The following PPME1 variants were observed in gnomAD, a reference collection of about 807,000 sequenced individuals.
PPME1 encodes testicular secretory protein Li 39.
In PPME1, 17 loss-of-function variants were observed where a neutral mutation model predicts 56.9. The ratio of observed to expected loss-of-function variants is 0.30; its 90% CI spans 0.20 to 0.45. The LOEUF is 0.45. Ranked by LOEUF, PPME1 falls within the 20% of genes least tolerant of loss-of-function variation. The probability of loss-of-function intolerance (pLI) is 1.00; values close to 1 mark genes in which losing one functional copy is unlikely to be tolerated. For missense variants in PPME1, 357 were observed against 483.2 expected, an observed-to-expected ratio of 0.74 and a Z score of 2.45; for synonymous variants, 122 against 156.2, an observed-to-expected ratio of 0.78 and a Z score of 1.63.
At chr11:74,203,974 C>A (rs1327222485) in intron 2 of PPME1, among the ~76,000 whole-genome samples, 153 bp downstream of exon 2, 34 of 152,192 alleles carry the variant, frequency 2.2e-4, no homozygotes, top group Non-Finnish European at 2.9e-5. Context: ...GAAGTCCATG[C>A]CAATATCTTT....
chr11:74,253,924 C>T lies in PPME1; in HGVS notation c.*414C>T. 3.8e-6 allele frequency: 1 copy of T among 263,450 alleles called. No individual in the cohort carries two copies. The highest frequency in any genetic ancestry group is 7.2e-6 in the Non-Finnish European group (1 of 139,080). 16.3% of individuals were successfully genotyped at this position (263,450 alleles called of 1,614,324 possible). On this transcript the variant is annotated 3_prime_UTR_variant, in exon 14 of 14. Coordinates refer to ENST00000328257, the MANE Select transcript of PPME1 (RefSeq NM_016147.3). The stretch of plus-strand genomic sequence containing the variant: ...GTCTTGGCATGGCCCAGCCCTGCCT[C>T]ATGGGATGGACAATGCATGGGGTGG...
At chr11:74,223,219 T>C (rs1248097003) in intron 4 of PPME1, among the ~76,000 whole-genome samples, 1 of 151,912 alleles carries the variant, frequency 6.6e-6, no homozygotes, top group Non-Finnish European at 1.5e-5. Flanking sequence ...TGCGATAGTT[T>C]ACTGAGAATG....
rs1272037670 is a variant in PPME1, at chr11:74,253,515, C to A, written c.*5C>A. The stretch of plus-strand genomic sequence containing the variant: ...AGTGTGTTTCCTGGCTGTTAGTGAC[C>A]TGCTGTCCACCCCTCCTCAACATCG... On this transcript the variant is annotated 3_prime_UTR_variant, in exon 14 of 14. Coordinates refer to ENST00000328257, the MANE Select transcript of PPME1 (RefSeq NM_016147.3). 3.1e-6 allele frequency: 5 copies of A among 1,606,808 alleles called. No homozygotes were observed. Among genetic ancestry groups the A allele is most frequent in the Non-Finnish European group, 4.3e-6 (5 of 1,173,384 alleles).
chr11:74,175,115 T>C (rs1857372088), intron 1 of PPME1, among the ~76,000 whole-genome samples: 1 of 152,248 alleles, frequency 6.6e-6, no homozygotes, highest in Non-Finnish European at 1.5e-5. Flanking sequence ...AAGTATCTTT[T>C]GAAAGTCACT....
At position 74,253,869 on chromosome 11, in the gene PPME1, C is replaced by T. The variant is rs181636068; in HGVS notation, c.*359C>T. On this transcript the variant is annotated 3_prime_UTR_variant, in exon 14 of 14. Coordinates refer to ENST00000328257, the MANE Select transcript of PPME1 (RefSeq NM_016147.3). ...ATACATCTGAGTTCAAATGTCTTCC[C>T]AGGCTCAGGGACCTCCATTCCTTGA... The T allele has an allele frequency of 3.2e-4, 124 of 386,656 alleles. 2 individuals are homozygous for T. The Admixed American group carries it at 4.0e-3, about 13-fold the overall frequency. 24.0% of individuals were successfully genotyped at this position (386,656 alleles called of 1,614,324 possible).
chr11:74,173,694 A>G (rs888044013), intron 1 of PPME1, among the ~76,000 whole-genome samples: 1 of 152,160 alleles, frequency 6.6e-6, no homozygotes, highest in Non-Finnish European at 1.5e-5. Flanking sequence ...GGCATGCACC[A>G]CCACGCCCGG....
At chr11:74,193,205 AT>A (rs1857888429) in intron 1 of PPME1, among the ~76,000 whole-genome samples, 1 of 152,238 alleles carries the variant, frequency 6.6e-6, no homozygotes, top group Non-Finnish European at 1.5e-5. Flanking sequence ...AAAAATGATT[AT>A]TAGTAACGTG....
At chr11:74,171,625 G>A in intron 1 of PPME1, 103 bp downstream of exon 1, 8 of 1,387,924 alleles carry the variant, frequency 5.8e-6, no homozygotes, top group Non-Finnish European at 6.7e-6. Context: ...CTACTGATAG[G>A]AGAAAATGTT....
In PPME1 at chr11:74,242,894, A is replaced by C. The variant is rs199993602; in HGVS notation, c.835-3182A>C. 8.2e-4 allele frequency among the ~76,000 whole-genome samples: 124 copies of C among 151,562 alleles called. 3 individuals are homozygous for C. The East Asian group carries it at 0.023, about 28-fold the overall frequency. ...ACTCTGTCTCAAAAAAAAAAAAAAA[A>C]AAAAAAAAACAGGCTGGAAGAAATT... On this transcript the variant is annotated intron_variant, in intron 9 of 13. Coordinates refer to ENST00000328257, the MANE Select transcript of PPME1 (RefSeq NM_016147.3).
chr11:74,230,442 A>G lies in PPME1; in HGVS notation c.553+43A>G. 2 of 1,592,866 alleles carry G rather than the reference A, an allele frequency of 1.3e-6. No homozygotes were observed. Among genetic ancestry groups the G allele is most frequent in the Non-Finnish European group, 1.7e-6 (2 of 1,163,272 alleles). Reference sequence around the variant, plus strand: ...TGACCAAATCAGGATTTCACTTATAAGAGACATCCTTGGTAGATTATTACC... The same window carrying G: ...TGACCAAATCAGGATTTCACTTATAGGAGACATCCTTGGTAGATTATTACC... On this transcript the variant is annotated intron_variant, in intron 6 of 13. Transcript: ENST00000328257. This position sits in a 1 kb window ranked among gnomAD's most constrained non-coding sequence, Gnocchi z 4.9.
intron 1 of PPME1, among the ~76,000 whole-genome samples, chr11:74,188,909 G>A (rs1308277018): frequency 6.6e-6 from 1 of 152,118 alleles, no homozygotes; most frequent in Non-Finnish European, 1.5e-5. Flanking sequence ...TGTACAAAGT[G>A]TTTAACATGC....
At chr11:74,220,962 G>C (rs1221859322) in intron 3 of PPME1, among the ~76,000 whole-genome samples, 1 of 152,108 alleles carries the variant, frequency 6.6e-6, no homozygotes, top group Non-Finnish European at 1.5e-5. Flanking sequence ...CACCATAGTA[G>C]AATGTAGATA....
chr11:74,232,860 A>ATTTTTTTTTTTTTTT (rs35057762), intron 7 of PPME1, among the ~76,000 whole-genome samples: 11 of 93,856 alleles, frequency 1.2e-4, no homozygotes, highest in Admixed American at 2.3e-4. Context: ...TTGTTATTTG[A>ATTTTTTTTTTTTTTT]TTTTTTTTTT....
intron 1 of PPME1, among the ~76,000 whole-genome samples, chr11:74,191,414 C>T (rs895112822): frequency 7.2e-5 from 11 of 152,190 alleles, no homozygotes; most frequent in Non-Finnish European, 1.5e-4. Context: ...CAACCTGGCC[C>T]TCTGGTAGAA....
chr11:74,216,906 C>T (rs970060645), intron 3 of PPME1, among the ~76,000 whole-genome samples: 1 of 152,068 alleles, frequency 6.6e-6, no homozygotes, highest in African/African-American at 2.4e-5. Flanking sequence ...GTACAACCTA[C>T]GAAGGTTGAA....
chr11:74,178,244 G>A (rs1857446681), intron 1 of PPME1, among the ~76,000 whole-genome samples: 1 of 152,126 alleles, frequency 6.6e-6, no homozygotes, highest in Non-Finnish European at 1.5e-5. Context: ...AAGAAGCGGG[G>A]GCCAAAGTCC....
At chr11:74,224,986 A>T (rs1007829640) in intron 4 of PPME1, among the ~76,000 whole-genome samples, 1 of 152,076 alleles carries the variant, frequency 6.6e-6, no homozygotes, top group Non-Finnish European at 1.5e-5. Flanking sequence ...TCTTATGCTG[A>T]TGTATAAGGA....
At chr11:74,251,173 G>C (rs1163612454) in intron 12 of PPME1, 155 bp downstream of exon 12, 1 of 1,465,676 alleles carries the variant, frequency 6.8e-7, no homozygotes, top group Non-Finnish European at 9.0e-7. Context: ...ACTTCTCCCT[G>C]GCAGCTGCTT....
chr11:74,251,401 T>C, intron 12 of PPME1: 2 of 1,372,790 alleles, frequency 1.5e-6, no homozygotes, highest in Non-Finnish European at 9.4e-7. Context: ...TCTGTAACTC[T>C]GAGGGCACAC....
Sources: allele counts gnomAD v4.1 joint callset (sites outside exome capture counted in the v4.1 genomes callset), GRCh38; gene constraint gnomAD v4.1.1; non-coding constraint Gnocchi (gnomAD v3.1); transcripts MANE v1.5; gene names NCBI Gene and HGNC (gene_info 2026-07-23, HGNC 2026-07-21).